The following RGS12 variants were observed in gnomAD, a reference collection of about 807,000 sequenced individuals.
RGS12 encodes the protein regulator of G-protein signaling 12.
In RGS12, 66 loss-of-function variants were observed where a neutral mutation model predicts 120.1. That is an observed-to-expected ratio of 0.55 (90% CI 0.45 to 0.67). The LOEUF (loss-of-function observed/expected upper bound fraction) is 0.67. Among genes scored for constraint, RGS12 ranks in the 30% least tolerant of loss-of-function variants. The probability of loss-of-function intolerance (pLI) is 0.00; values close to 1 mark genes in which losing one functional copy is unlikely to be tolerated. For missense variants in RGS12, 1,859 were observed against 1,957.7 expected (o/e 0.95, Z 0.95); for synonymous variants, 827 against 804.7 (o/e 1.03, Z -0.47).
intron 4 of RGS12, among the ~76,000 whole-genome samples, chr4:3,400,936 C>T (rs1203300748): frequency 2.6e-5 from 4 of 151,666 alleles, no homozygotes; most frequent in Non-Finnish European, 5.9e-5. Flanking sequence ...ACTGTTTTAA[C>T]ATTGTATTGA....
intron 1 of RGS12, among the ~76,000 whole-genome samples, chr4:3,304,767 A>G (rs1047703319): frequency 1.3e-5 from 2 of 152,220 alleles, no homozygotes; most frequent in East Asian, 1.9e-4. Context: ...CCACCTAGAT[A>G]TAAGTACAGC....
At chr4:3,388,731 C>G (rs767881597) in intron 4 of RGS12, among the ~76,000 whole-genome samples, 1 of 152,232 alleles carries the variant, frequency 6.6e-6, no homozygotes, top group African/African-American at 2.4e-5. Context: ...CTGCCCTCCA[C>G]GGCAGTGACA....
chr4:3,299,448 C>T (rs749422103), intron 1 of RGS12, among the ~76,000 whole-genome samples: 3 of 152,246 alleles, frequency 2.0e-5, no homozygotes, highest in South Asian at 4.2e-4. Flanking sequence ...GGACAACTCC[C>T]CTCCACTTTC....
At position 3,318,013 on chromosome 4, in the gene RGS12, C is replaced by T. The variant is rs1204383004; in HGVS notation, c.1843C>T (p.Pro615Ser). The change falls in exon 2 of 18, where the codon CCC becomes TCC. Residue 615 changes from proline (P) to serine (S), a missense_variant. Physicochemically the swap from Pro to Ser is moderately conservative, Grantham distance 74. Coordinates refer to ENST00000336727, the MANE Select transcript of RGS12 (RefSeq NM_001394154.1). ...CTTTGGAATGCAAAGCATTTTTGGT[C>T]CCCATCGAAATGTTCGAAAGACTAA... ...KAFGMQSIFG[P>S]HRNVRKTKED... 1.9e-6 allele frequency: 3 copies of T among 1,608,722 alleles called. No individual in the cohort carries two copies. Among genetic ancestry groups the T allele is most frequent in the Non-Finnish European group, 2.5e-6 (3 of 1,177,472 alleles).
intron 2 of RGS12, among the ~76,000 whole-genome samples, chr4:3,321,179 A>C (rs535808226): frequency 6.6e-6 from 1 of 152,326 alleles, no homozygotes; most frequent in Admixed American, 6.5e-5. Flanking sequence ...TAGCTGCTGA[A>C]AGAGAAAAGA....
intron 2 of RGS12, 84 bp from the exon 3 acceptor site, chr4:3,342,853 G>A (rs1713381582): frequency 1.1e-6 from 1 of 911,242 alleles, no homozygotes; most frequent in South Asian, 1.4e-5. Flanking sequence ...AGTATTCCTT[G>A]ATTTTCTGCT....
At chr4:3,413,738 A>C in intron 4 of RGS12, 1 of 250,794 alleles carries the variant, frequency 4.0e-6, no homozygotes, top group Non-Finnish European at 7.6e-6. Context: ...CTGTGGCTGT[A>C]GTTTGTTGTT....
At chr4:3,415,266 G>GT (rs909048335) in intron 6 of RGS12, among the ~76,000 whole-genome samples, 1 of 152,154 alleles carries the variant, frequency 6.6e-6, no homozygotes, top group African/African-American at 2.4e-5. Context: ...ATCTAGAGCA[G>GT]TTGGAAAGTG....
intron 4 of RGS12, chr4:3,413,440 A>G (rs1242719175): frequency 6.6e-6 from 1 of 152,204 alleles, no homozygotes; most frequent in Non-Finnish European, 1.5e-5. Flanking sequence ...AGCTCTGGAC[A>G]CTGTGCCTGA....
At chr4:3,326,931 C>T (rs774813158) in intron 2 of RGS12, among the ~76,000 whole-genome samples, 17 of 152,132 alleles carry the variant, frequency 1.1e-4, no homozygotes, top group Non-Finnish European at 2.2e-4. Context: ...AAAATACCTA[C>T]GTAATTTTTC....
At chr4:3,413,937 A>C in intron 4 of RGS12, 135 bp from the exon 5 acceptor site, 1 of 852,968 alleles carries the variant, frequency 1.2e-6, no homozygotes, top group Non-Finnish European at 1.8e-6. Flanking sequence ...TGTGCTGTGC[A>C]TAGTTGTTGA....
At chr4:3,331,111 G>A (rs907055433) in intron 2 of RGS12, among the ~76,000 whole-genome samples, 2 of 152,180 alleles carry the variant, frequency 1.3e-5, no homozygotes, top group African/African-American at 4.8e-5. Flanking sequence ...ATTACTGATA[G>A]GAAAAGCTCC....
intron 1 of RGS12, among the ~76,000 whole-genome samples, chr4:3,305,080 G>A (rs1723900303): frequency 6.6e-6 from 1 of 152,214 alleles, no homozygotes; most frequent in Non-Finnish European, 1.5e-5. Context: ...CTGGCTGTTG[G>A]CCAGAGACAT....
At chr4:3,292,125 G>GA (rs1723055540), upstream of RGS12, among the ~76,000 whole-genome samples, 1 of 152,246 alleles carries the variant, frequency 6.6e-6, no homozygotes, top group Non-Finnish European at 1.5e-5. Flanking sequence ...CGTCTCGAGG[G>GA]AAAAACGCGG....
At chr4:3,406,039 TG>T (rs1721085488) in intron 4 of RGS12, among the ~76,000 whole-genome samples, 1 of 152,178 alleles carries the variant, frequency 6.6e-6, no homozygotes, top group Non-Finnish European at 1.5e-5. Context: ...TTAGCTGCAC[TG>T]ATAGTGCCTA....
At chr4:3,312,438 C>T (rs1171226319) in intron 1 of RGS12, 1 of 209,140 alleles carries the variant, frequency 4.8e-6, no homozygotes, top group African/African-American at 2.3e-5. Context: ...ACACTGTGGA[C>T]CTGTGAGGGT....
chr4:3,379,987 AAAGTCC>A (rs1281310654), intron 3 of RGS12, among the ~76,000 whole-genome samples: 1 of 152,206 alleles, frequency 6.6e-6, no homozygotes, highest in East Asian at 1.9e-4. Context: ...CATTAACTCA[AAAGTCC>A]AAGTCCAAAG....
At chr4:3,290,294 T>C (rs963916486), upstream of RGS12, among the ~76,000 whole-genome samples, 4 of 152,236 alleles carry the variant, frequency 2.6e-5, no homozygotes. Flanking sequence ...ATCAAGCACC[T>C]TCACACTGTT....
intron 7 of RGS12, 43 bp downstream of exon 7, chr4:3,416,164 G>T (rs1341080319): frequency 1.2e-6 from 2 of 1,608,800 alleles, no homozygotes; most frequent in African/African-American, 2.7e-5. Flanking sequence ...CCAGGCTAGG[G>T]CTCGGGGTAT....
Sources: gnomAD v4.1 joint callset for allele counts (sites outside exome capture counted in the v4.1 genomes callset) on GRCh38, gnomAD v4.1.1 for gene constraint, MANE v1.5 for transcripts, NCBI Gene and HGNC (gene_info 2026-07-23, HGNC 2026-07-21) for gene names.